The following USH2A variants were observed in gnomAD, a reference collection of about 807,000 sequenced individuals.
USH2A encodes usherin.
Under a neutral mutation model 538.9 loss-of-function variants are expected in USH2A, and 443 were observed. The observed-to-expected ratio is 0.82, with a 90% CI of 0.76 to 0.89. The LOEUF (loss-of-function observed/expected upper bound fraction) is 0.89. USH2A is among the 40% of genes least tolerant of loss of function. The pLI is 0.00. For synonymous variants in USH2A, 2,413 were observed against 2,273.5 expected (o/e 1.06, Z -1.75); for missense variants, 6,633 against 6,324.8 (o/e 1.05, Z -1.65).
intron 40 of USH2A, among the ~76,000 whole-genome samples, chr1:215,899,721 C>T (rs182757374): frequency 2.4e-3 from 365 of 152,240 alleles, no homozygotes; most frequent in Non-Finnish European, 3.5e-3. Context: ...TTTTCTTCTG[C>T]CTGCCAGAAT....
chr1:216,183,887 A>T (rs2034540117), intron 20 of USH2A, among the ~76,000 whole-genome samples: 1 of 152,074 alleles, frequency 6.6e-6, no homozygotes, highest in South Asian at 2.1e-4. Context: ...ATTGCTTTGA[A>T]CCGAAAGCTT....
intron 9 of USH2A, among the ~76,000 whole-genome samples, chr1:216,318,723 G>A (rs888268852): frequency 1.4e-5 from 2 of 146,690 alleles, no homozygotes; most frequent in Non-Finnish European, 2.9e-5. Context: ...TTTTCAAAAG[G>A]TACTTAAGGT....
chr1:215,674,464 C>T lies in USH2A; in HGVS notation c.13447G>A (p.Gly4483Arg). ...QIRSYELRRD[G>R]TIVYTGLETR... ...TCCAAGCCTGTATATACAATGGTTC[C>T]ATCCCTCCTAAGTTCATAACTTCTG... Residue 4483 changes from glycine to arginine, a missense_variant, in exon 63 of 72, where the codon GGA (glycine) becomes AGA (arginine). Transcript: ENST00000307340. 6.2e-7 allele frequency: 1 copy of T among 1,614,126 alleles called. No individual in the cohort carries two copies. Among genetic ancestry groups the T allele is most frequent in the Non-Finnish European group, 8.5e-7 (1 of 1,180,022 alleles).
chr1:215,704,338 G>A (rs1056116797), intron 61 of USH2A, among the ~76,000 whole-genome samples: 2 of 152,172 alleles, frequency 1.3e-5, no homozygotes, highest in African/African-American at 4.8e-5. Flanking sequence ...TTTACCCATG[G>A]CTGTTCACTT....
intron 32 of USH2A, among the ~76,000 whole-genome samples, chr1:216,040,944 T>G (rs2030249190): frequency 6.6e-6 from 1 of 151,992 alleles, no homozygotes; most frequent in African/African-American, 2.4e-5. Flanking sequence ...CCTATACTTT[T>G]GATAAATATT....
chr1:215,713,129 T>A (rs1390486172), intron 61 of USH2A, among the ~76,000 whole-genome samples: 2 of 152,228 alleles, frequency 1.3e-5, no homozygotes, highest in East Asian at 3.8e-4. Context: ...TTCCTTTTTT[T>A]GAAATTCTGG....
intron 38 of USH2A, among the ~76,000 whole-genome samples, chr1:215,912,453 G>GTATATA (rs780000613): frequency 0.19 from 7,906 of 41,442 alleles, 314 homozygotes; most frequent in Middle Eastern, 0.31. Context: ...GTAGGTATGT[G>GTATATA]TATATATATA....
chr1:215,698,482 T>A (rs558030974), intron 61 of USH2A, among the ~76,000 whole-genome samples: 1 of 152,286 alleles, frequency 6.6e-6, no homozygotes, highest in South Asian at 2.1e-4. Flanking sequence ...CTCTCCAGCA[T>A]CTGTTGTTTC....
intron 3 of USH2A, among the ~76,000 whole-genome samples, chr1:216,370,123 C>T (rs2038677847): frequency 6.6e-6 from 1 of 152,004 alleles, no homozygotes; most frequent in Admixed American, 6.6e-5. Context: ...CTTTGGGAGG[C>T]CGAGGTGGGC....
At position 216,422,068 on chromosome 1, in the gene USH2A, T is replaced by C. The variant is rs755435330; in HGVS notation, c.269A>G (p.Tyr90Cys). The C allele has an allele frequency of 4.3e-6, 7 of 1,613,838 alleles. No homozygotes were observed. The highest frequency in any genetic ancestry group is 3.4e-6 in the Non-Finnish European group (4 of 1,179,888). ...AGTGTAGGTAGGGTGTGAAGATCTG[T>C]ATGGGCAATCCTGAATACAAAACCG... ...TQRFCIQDCPYRSSHPTYTAL... is the reference protein window; with the variant it reads ...TQRFCIQDCPCRSSHPTYTAL... Residue 90 changes from tyrosine to cysteine, a missense_variant, in exon 2 of 72, where the codon TAC becomes TGC. Coordinates refer to ENST00000307340, the MANE Select transcript of USH2A (RefSeq NM_206933.4).
intron 30 of USH2A, among the ~76,000 whole-genome samples, chr1:216,048,905 C>A (rs1432696115): frequency 1.3e-5 from 2 of 152,180 alleles, no homozygotes; most frequent in Non-Finnish European, 2.9e-5. Flanking sequence ...ATGTTTCTCC[C>A]ATTAAAATGG....
At chr1:215,732,223 C>A (rs889011673) in intron 60 of USH2A, among the ~76,000 whole-genome samples, 9 of 152,142 alleles carry the variant, frequency 5.9e-5, no homozygotes, top group Non-Finnish European at 1.2e-4. Flanking sequence ...AAGGTTGAAT[C>A]GTCAAGTTTT....
intron 43 of USH2A, among the ~76,000 whole-genome samples, chr1:215,877,421 C>T (rs113640873): frequency 1.3e-5 from 2 of 152,052 alleles, no homozygotes; most frequent in African/African-American, 4.8e-5. Flanking sequence ...TCTACAAGTG[C>T]CCAGGAATTT....
In USH2A at chr1:215,759,858, G is replaced by T. The variant is rs74141403; in HGVS notation, c.11048-15C>A. The T allele has an allele frequency of 6.2e-7, 1 of 1,613,722 alleles. No homozygotes were observed. Among genetic ancestry groups the T allele is most frequent in the Non-Finnish European group, 8.5e-7 (1 of 1,179,758 alleles). ...CACCCAAACTCCTGGCAAGAATAAC[G>T]CAATGAGGTTTTATTGTTAGGAGAA... is the stretch of plus-strand genomic sequence containing the variant. On this transcript the variant is annotated splice_polypyrimidine_tract_variant and intron_variant, in intron 56 of 71. Coordinates refer to ENST00000307340, the MANE Select transcript of USH2A (RefSeq NM_206933.4).
intron 37 of USH2A, among the ~76,000 whole-genome samples, chr1:215,935,304 T>C (rs1161684585): frequency 6.6e-6 from 1 of 152,012 alleles, no homozygotes; most frequent in African/African-American, 2.4e-5. Context: ...ACTGAGGTGT[T>C]TTCTGTTCAC....
At position 215,915,132 on chromosome 1, in the gene USH2A, A is replaced by G. The variant is rs965499449; in HGVS notation, c.7301-14227T>C. 3.3e-5 allele frequency among the ~76,000 whole-genome samples: 5 copies of G among 152,094 alleles called. No individual in the cohort carries two copies. The East Asian group carries it at 5.8e-4, about 18-fold the overall frequency. ...GTCAAGGAATCTGAAGCTTCATAACATAAATGACTTGCACAAGACCACACA... is the reference window on the plus strand; with the variant it reads ...GTCAAGGAATCTGAAGCTTCATAACGTAAATGACTTGCACAAGACCACACA... On this transcript the variant is annotated intron_variant, in intron 38 of 71. Coordinates refer to ENST00000307340, the MANE Select transcript of USH2A (RefSeq NM_206933.4).
At chr1:215,876,285 T>G (rs1047683082) in intron 43 of USH2A, among the ~76,000 whole-genome samples, 8 of 152,184 alleles carry the variant, frequency 5.3e-5, no homozygotes, top group African/African-American at 2.4e-5. Context: ...CAGTTTCATA[T>G]AGTTCATTCT....
chr1:216,322,961 T>C (rs549326542), intron 8 of USH2A, among the ~76,000 whole-genome samples: 3 of 152,100 alleles, frequency 2.0e-5, no homozygotes, highest in Admixed American at 2.0e-4. Context: ...CAGACATTTA[T>C]AAACTACTTA....
intron 38 of USH2A, among the ~76,000 whole-genome samples, chr1:215,906,452 A>T (rs78446013): frequency 0.044 from 6,685 of 152,110 alleles, 199 homozygotes; most frequent in Admixed American, 0.084. Context: ...GGATTCTAAC[A>T]TGGGCCGTTT....
Sources: allele counts gnomAD v4.1 joint callset (sites outside exome capture counted in the v4.1 genomes callset), GRCh38; gene constraint gnomAD v4.1.1; transcripts MANE v1.5; gene names NCBI Gene and HGNC (gene_info 2026-07-23, HGNC 2026-07-21).